The following SPAG16 variants were observed in gnomAD, a reference collection of about 807,000 sequenced individuals.
SPAG16 encodes the protein sperm-associated antigen 16 protein.
In SPAG16, 86 loss-of-function variants were observed where a neutral mutation model predicts 80.4. The ratio of observed to expected loss-of-function variants is 1.07; its 90% CI spans 0.90 to 1.28. The LOEUF is 1.28. Among genes scored for constraint, SPAG16 ranks in the 50% most tolerant of loss-of-function variants. The pLI, the probability that SPAG16 is intolerant of heterozygous loss-of-function variation, is 0.00. For synonymous variants in SPAG16, 294 were observed against 265.9 expected (o/e 1.11, Z -1.03); for missense variants, 870 against 765.3 (o/e 1.14, Z -1.61).
At chr2:213,974,788 C>G (rs2045271902) in intron 12 of SPAG16, among the ~76,000 whole-genome samples, 1 of 150,438 alleles carries the variant, frequency 6.6e-6, no homozygotes, top group Admixed American at 6.6e-5. Context: ...TCTGAGACTT[C>G]TATAAATTAG....
In SPAG16 at chr2:213,364,126, C is replaced by A; in HGVS notation, c.813C>A (p.Tyr271Ter). The change falls in exon 8 of 16, where the codon TAC (tyrosine) becomes TAA (stop). Residue 271 changes from tyrosine to a stop codon, truncating the protein, a stop_gained. Transcript: ENST00000331683. LOFTEE classifies it high-confidence loss of function. The stretch of plus-strand genomic sequence containing the variant: ...AGAAACTGCAAAGAGGACATAGTTA[C>A]CATGGTCCTCAAATTAAAGGTAAAT... ...TLKKLQRGHS[Y>*]HGPQIKVDHS... 1 of 1,519,762 alleles carries A rather than the reference C, an allele frequency of 6.6e-7. No homozygotes were observed. The highest frequency in any genetic ancestry group is 8.8e-7 in the Non-Finnish European group (1 of 1,136,088). 94.1% of individuals were successfully genotyped at this position (1,519,762 alleles called of 1,614,324 possible). A position where few individuals can be genotyped will look rare whatever the true frequency, so the allele number is the denominator to read the frequency against.
At chr2:214,122,082 A>G (rs1421174689) in intron 14 of SPAG16, among the ~76,000 whole-genome samples, 1 of 151,786 alleles carries the variant, frequency 6.6e-6, no homozygotes, top group Non-Finnish European at 1.5e-5. Flanking sequence ...ACAAATATGT[A>G]TAATATAAAT....
intron 10 of SPAG16, among the ~76,000 whole-genome samples, chr2:213,555,271 C>T (rs1391545738): frequency 6.6e-6 from 1 of 152,168 alleles, no homozygotes; most frequent in African/African-American, 2.4e-5. Context: ...CCACTCAAAT[C>T]TTAAATTGTA....
At chr2:213,614,291 C>A (rs1239436103) in intron 10 of SPAG16, among the ~76,000 whole-genome samples, 1 of 152,164 alleles carries the variant, frequency 6.6e-6, no homozygotes, top group Non-Finnish European at 1.5e-5. Flanking sequence ...TAACAAATTT[C>A]ATTTAAAGGG....
At chr2:213,291,669 A>G (rs2062279904) in intron 1 of SPAG16, among the ~76,000 whole-genome samples, 1 of 152,190 alleles carries the variant, frequency 6.6e-6, no homozygotes, top group African/African-American at 2.4e-5. Flanking sequence ...AGGTGAGTTC[A>G]TTACCTAGGA....
chr2:213,432,451 A>G (rs1198618431), intron 9 of SPAG16, among the ~76,000 whole-genome samples: 1 of 152,174 alleles, frequency 6.6e-6, no homozygotes, highest in African/African-American at 2.4e-5. Flanking sequence ...ACCGGAGACA[A>G]CCATGAACAA....
chr2:213,780,571 C>CTTTTTTT (rs367744311), intron 10 of SPAG16, among the ~76,000 whole-genome samples: 6 of 124,610 alleles, frequency 4.8e-5, no homozygotes, highest in East Asian at 2.3e-4. Context: ...TCTTTTCTTT[C>CTTTTTTT]TTTTTTTTTT....
At chr2:214,042,606 A>G (rs1019531559) in intron 13 of SPAG16, among the ~76,000 whole-genome samples, 2 of 152,202 alleles carry the variant, frequency 1.3e-5, no homozygotes, top group African/African-American at 4.8e-5. Flanking sequence ...AGAAATAAAG[A>G]TAGTTCAATG....
rs1185062580 is a variant in SPAG16 at position 213,825,812 on chromosome 2, G to A, written c.1071-36673G>A. Among the ~76,000 whole-genome samples, 6 of 150,648 alleles carry A rather than the reference G, an allele frequency of 4.0e-5. No homozygotes were observed. The Admixed American group carries it at 4.0e-4, about 10-fold the overall frequency. On this transcript the variant is annotated intron_variant, in intron 10 of 15. Transcript: ENST00000331683. Reference sequence around the variant, plus strand: ...AATTCCCTCCTCCCCTATTTCTTGGGATAGTTTTAGAGGGATTGGTATTAG... The same window carrying A: ...AATTCCCTCCTCCCCTATTTCTTGGAATAGTTTTAGAGGGATTGGTATTAG...
At chr2:213,705,098 C>CA (rs1200153313) in intron 10 of SPAG16, among the ~76,000 whole-genome samples, 19 of 151,706 alleles carry the variant, frequency 1.3e-4, no homozygotes, top group African/African-American at 4.6e-4. Flanking sequence ...TAAAAAAAAA[C>CA]AAAAAACAAA....
intron 15 of SPAG16, among the ~76,000 whole-genome samples, chr2:214,371,199 G>A (rs1186806392): frequency 6.6e-6 from 1 of 152,122 alleles, no homozygotes; most frequent in Non-Finnish European, 1.5e-5. Flanking sequence ...CAGGGAAAAT[G>A]TGTTGTCCCT....
intron 10 of SPAG16, among the ~76,000 whole-genome samples, chr2:213,656,391 C>T (rs1480040642): frequency 6.6e-6 from 1 of 152,134 alleles, no homozygotes; most frequent in African/African-American, 2.4e-5. Context: ...ATGATGGTCT[C>T]GATCTCCTCC....
intron 15 of SPAG16, among the ~76,000 whole-genome samples, chr2:214,244,760 T>C (rs988894884): frequency 1.3e-5 from 2 of 152,166 alleles, no homozygotes; most frequent in Admixed American, 1.3e-4. Context: ...TATTTTATCA[T>C]AATCATCTTT....
chr2:214,165,211 T>A (rs1048180939), intron 15 of SPAG16, among the ~76,000 whole-genome samples: 1 of 152,088 alleles, frequency 6.6e-6, no homozygotes, highest in African/African-American at 2.4e-5. Context: ...AAGTTTGCAT[T>A]TTAGGGGGAA....
chr2:213,995,088 C>G (rs2046455828), intron 12 of SPAG16, among the ~76,000 whole-genome samples: 1 of 152,172 alleles, frequency 6.6e-6, no homozygotes, highest in Non-Finnish European at 1.5e-5. Context: ...GTTGAGAAGA[C>G]TTCTCATGCG....
intron 15 of SPAG16, among the ~76,000 whole-genome samples, chr2:214,183,448 T>A (rs983109810): frequency 4.6e-5 from 7 of 151,984 alleles, no homozygotes; most frequent in African/African-American, 1.7e-4. Flanking sequence ...CCTCTGCAAG[T>A]CTCTCGGCCC....
intron 10 of SPAG16, among the ~76,000 whole-genome samples, chr2:213,567,031 C>T (rs1431094721): frequency 1.3e-5 from 2 of 152,104 alleles, no homozygotes; most frequent in Admixed American, 1.3e-4. Context: ...GTTCATCCTT[C>T]TGGCTTATCT....
At chr2:213,364,371 T>G (rs768506065) in intron 8 of SPAG16, 21 of 249,680 alleles carry the variant, frequency 8.4e-5, no homozygotes, top group Non-Finnish European at 1.5e-4. Context: ...CTTCTGGTCA[T>G]TATACCTGGT....
chr2:213,735,062 C>T (rs1332830685), intron 10 of SPAG16, among the ~76,000 whole-genome samples: 1 of 151,934 alleles, frequency 6.6e-6, no homozygotes, highest in Non-Finnish European at 1.5e-5. Context: ...TTGAGAAGTC[C>T]AAAAACACTG....
Sources: gnomAD v4.1 joint callset for allele counts (sites outside exome capture counted in the v4.1 genomes callset) on GRCh38, gnomAD v4.1.1 for gene constraint, MANE v1.5 for transcripts, NCBI Gene and HGNC (gene_info 2026-07-23, HGNC 2026-07-21) for gene names.